The following EXT2 variants were observed in gnomAD, a reference collection of about 807,000 sequenced individuals.
The protein encoded by EXT2 is exostosin glycosyltransferase 2.
EXT2 carries 53 observed loss-of-function variants against 81.6 expected under a neutral mutation model. The observed-to-expected ratio is 0.65, with a 90% CI of 0.52 to 0.82. EXT2 has a LOEUF of 0.82. EXT2 is among the 40% of genes least tolerant of loss of function. The pLI, the probability that EXT2 is intolerant of heterozygous loss-of-function variation, is 0.00. For synonymous variants in EXT2, 320 were observed against 340.0 expected, an observed-to-expected ratio of 0.94 and a Z score of 0.65; for missense variants, 774 against 910.2, an observed-to-expected ratio of 0.85 and a Z score of 1.93.
At chr11:44,126,033 T>G (rs1158629700) in intron 5 of EXT2, among the ~76,000 whole-genome samples, 1 of 152,200 alleles carries the variant, frequency 6.6e-6, no homozygotes, top group Non-Finnish European at 1.5e-5. Flanking sequence ...AAGATTAGTT[T>G]TTGGTTTTTT....
chr11:44,130,624 AC>A (rs1202032885), intron 7 of EXT2, among the ~76,000 whole-genome samples: 1 of 151,944 alleles, frequency 6.6e-6, no homozygotes, highest in Non-Finnish European at 1.5e-5. Flanking sequence ...TTTCTCTTCT[AC>A]CTTCTGACAC....
intron 8 of EXT2, among the ~76,000 whole-genome samples, chr11:44,196,725 A>G (rs1277510759): frequency 1.3e-5 from 2 of 152,192 alleles, no homozygotes; most frequent in African/African-American, 2.4e-5. Flanking sequence ...TTCTTGTTTC[A>G]TGGATGAAGA....
chr11:44,118,840 C>T (rs1350179645), intron 4 of EXT2, among the ~76,000 whole-genome samples: 1 of 151,798 alleles, frequency 6.6e-6, no homozygotes, highest in Non-Finnish European at 1.5e-5. Context: ...TTATGTAGCA[C>T]GAGATAGAAA....
chr11:44,108,225 A>G lies in EXT2; in HGVS notation c.513A>G (p.Ala171=). 2 of 1,613,124 alleles carry G rather than the reference A, an allele frequency of 1.2e-6. No homozygotes were observed. The highest frequency in any genetic ancestry group is 1.7e-6 in the Non-Finnish European group (2 of 1,180,014). The change falls in exon 2 of 14, where the codon GCA becomes GCG. Residue 171 remains alanine (A), a synonymous_variant. Coordinates refer to ENST00000533608, the MANE Select transcript of EXT2 (RefSeq NM_207122.2). ...NQNTLRIKET[A]QAMAQLSRWD... is the part of the protein sequence containing the mutation. ...ACACACTGCGCATCAAGGAGACAGC[A>G]CAAGCGATGGCCCAGCTCTCTAGGT...
intron 9 of EXT2, among the ~76,000 whole-genome samples, chr11:44,206,026 G>C (rs563261532): frequency 6.6e-6 from 1 of 151,842 alleles, no homozygotes; most frequent in Admixed American, 6.5e-5. Flanking sequence ...GCACGTCATG[G>C]GTTGGTGTTT....
rs1956122093 is a variant in EXT2, at chr11:44,249,360, C to G, written c.*5073C>G. Among the ~76,000 whole-genome samples, 1 of 152,098 alleles carries G rather than the reference C, an allele frequency of 6.6e-6. No homozygotes were observed. Among genetic ancestry groups the G allele is most frequent in the African/African-American group, 2.4e-5 (1 of 41,402 alleles). Reference sequence around the variant, plus strand: ...GTTGGACCACTGGTTGCATCTCTTCCCACTCTCCCTGAAAGGCACAGAACT... The same window carrying G: ...GTTGGACCACTGGTTGCATCTCTTCGCACTCTCCCTGAAAGGCACAGAACT... On this transcript the variant is annotated 3_prime_UTR_variant, in exon 14 of 14. Coordinates refer to ENST00000533608, the MANE Select transcript of EXT2 (RefSeq NM_207122.2).
chr11:44,136,778 G>C (rs1198566249), intron 7 of EXT2, among the ~76,000 whole-genome samples: 2 of 152,120 alleles, frequency 1.3e-5, no homozygotes, highest in Non-Finnish European at 1.5e-5. Context: ...GCCACTCCAA[G>C]CTGTGTTTCG....
intron 10 of EXT2, among the ~76,000 whole-genome samples, chr11:44,230,105 G>A (rs1955881534): frequency 6.6e-6 from 1 of 152,220 alleles, no homozygotes; most frequent in African/African-American, 2.4e-5. Context: ...AGCAAGGAAG[G>A]TTCGAGAAGC....
chr11:44,144,179 A>C, intron 7 of EXT2: 1 of 1,397,042 alleles, frequency 7.2e-7, no homozygotes, highest in Admixed American at 1.7e-5. Flanking sequence ...TAGTTGACCC[A>C]AGTTGTGCTC....
chr11:44,193,460 TTA>T (rs1955417998), intron 8 of EXT2, among the ~76,000 whole-genome samples: 1 of 152,194 alleles, frequency 6.6e-6, no homozygotes, highest in Non-Finnish European at 1.5e-5. Context: ...ATGGTAATAG[TTA>T]TATGATGATT....
At chr11:44,228,548 A>G (rs1036728814) in intron 10 of EXT2, among the ~76,000 whole-genome samples, 1 of 152,172 alleles carries the variant, frequency 6.6e-6, no homozygotes, top group African/African-American at 2.4e-5. Flanking sequence ...CTCCGTTTTG[A>G]TCCTGTAGTC....
intron 13 of EXT2, among the ~76,000 whole-genome samples, chr11:44,238,593 A>G (rs1251344249): frequency 1.3e-5 from 2 of 152,314 alleles, no homozygotes; most frequent in East Asian, 1.9e-4. Context: ...TAACAATGCA[A>G]TTTGTGATGA....
chr11:44,167,096 C>T (rs1006844729), intron 7 of EXT2, among the ~76,000 whole-genome samples: 1 of 152,186 alleles, frequency 6.6e-6, no homozygotes, highest in Non-Finnish European at 1.5e-5. Context: ...TGCCAATTCT[C>T]TATCCAAGAG....
intron 3 of EXT2, among the ~76,000 whole-genome samples, chr11:44,111,808 A>T (rs1199610345): frequency 6.6e-6 from 1 of 152,200 alleles, no homozygotes; most frequent in Non-Finnish European, 1.5e-5. Context: ...CAGACATCAG[A>T]TCCTTGCATC....
At chr11:44,159,633 G>A (rs1286932283) in intron 7 of EXT2, among the ~76,000 whole-genome samples, 2 of 152,252 alleles carry the variant, frequency 1.3e-5, no homozygotes, top group Admixed American at 6.5e-5. Flanking sequence ...TCTCTGCCAT[G>A]TCTCATTCTG....
At chr11:44,210,821 A>C (rs752762887) in intron 10 of EXT2, among the ~76,000 whole-genome samples, 4 of 152,228 alleles carry the variant, frequency 2.6e-5, no homozygotes, top group African/African-American at 9.6e-5. Context: ...GAACAACTTC[A>C]TAATTGGAAA....
At chr11:44,178,214 A>G (rs1486410892) in intron 8 of EXT2, among the ~76,000 whole-genome samples, 3 of 152,170 alleles carry the variant, frequency 2.0e-5, no homozygotes, top group Non-Finnish European at 4.4e-5. Context: ...GAGTGCTGCC[A>G]CTCCACCCTG....
chr11:44,155,510 T>G (rs1395535382), intron 7 of EXT2, among the ~76,000 whole-genome samples: 1 of 152,102 alleles, frequency 6.6e-6, no homozygotes, highest in East Asian at 1.9e-4. Context: ...TTTTATAGTT[T>G]AAGGTTACCA....
At chr11:44,196,919 G>C (rs753922948) in intron 8 of EXT2, among the ~76,000 whole-genome samples, 1 of 152,146 alleles carries the variant, frequency 6.6e-6, no homozygotes, top group Admixed American at 6.5e-5. Flanking sequence ...AGAGGGAAGC[G>C]CTGAAAAGCT....
Sources: allele counts gnomAD v4.1 joint callset (sites outside exome capture counted in the v4.1 genomes callset), GRCh38; gene constraint gnomAD v4.1.1; transcripts MANE v1.5; gene names NCBI Gene and HGNC (gene_info 2026-07-23, HGNC 2026-07-21).